The following SEC16B variants were observed in gnomAD, a reference collection of about 807,000 sequenced individuals.
SEC16B encodes the protein protein transport protein Sec16B.
Under a neutral mutation model 141.8 loss-of-function variants are expected in SEC16B, and 115 were observed. That is an observed-to-expected ratio of 0.81 (90% CI 0.70 to 0.95). SEC16B has a LOEUF of 0.95. SEC16B is among the 40% of genes least tolerant of loss of function. SEC16B has a pLI of 0.00. For synonymous variants in SEC16B, 493 were observed against 492.5 expected (o/e 1.00, Z -0.01); for missense variants, 1,291 against 1,312.3 (o/e 0.98, Z 0.25).
At chr1:177,936,273 C>A (rs1395620052) in intron 20 of SEC16B, 25 bp downstream of exon 20, 2 of 1,592,296 alleles carry the variant, frequency 1.3e-6, no homozygotes, top group East Asian at 2.3e-5. Flanking sequence ...TGGGCAGTGG[C>A]ATCTTTTATG....
chr1:177,965,958 C>T lies in SEC16B; in HGVS notation c.347G>A (p.Arg116Lys), dbSNP rs1265203712. 6.3e-7 allele frequency: 1 copy of T among 1,598,734 alleles called. No homozygotes were observed. The highest frequency in any genetic ancestry group is 1.1e-5 in the South Asian group (1 of 87,920). Residue 116 changes from arginine to lysine, a missense_variant, in exon 3 of 26, where the codon AGG becomes AAG. Arg to Lys is a conservative substitution (Grantham distance 26). Around this residue, in one of 3 missense-constraint regions of SEC16B, gnomAD observed 681 missense variants for 675.5 expected, o/e 1.01. Coordinates refer to ENST00000308284, the MANE Select transcript of SEC16B (RefSeq NM_033127.4). ...ATAACTTCCATAAGCATATTCCTCC[C>T]TCATTGTGGGAGACTGATAGCTCTG... ...SYQSYQSPTMREEYAYGSYYY... is the reference protein window; with the variant it reads ...SYQSYQSPTMKEEYAYGSYYY...
intron 9 of SEC16B, 47 bp downstream of exon 9, chr1:177,958,793 A>T (rs1371570222): frequency 1.3e-6 from 2 of 1,578,118 alleles, no homozygotes; most frequent in African/African-American, 1.4e-5. Flanking sequence ...TCCCATGAAG[A>T]CTTAAATTTC....
chr1:177,960,787 T>C lies in SEC16B; in HGVS notation c.936+4A>G. The C allele has an allele frequency of 6.3e-7, 1 of 1,598,608 alleles. No individual in the cohort carries two copies. The highest frequency in any genetic ancestry group is 8.5e-7 in the Non-Finnish European group (1 of 1,171,304). On this transcript the variant is annotated splice_donor_region_variant and intron_variant, in intron 7 of 25. Coordinates refer to ENST00000308284, the MANE Select transcript of SEC16B (RefSeq NM_033127.4). ...GCATTCCAGGGACACTGGGTCTTCT[T>C]TACCTCCATGCTGTGCAGTTCAACA...
In SEC16B at chr1:177,958,281, C is replaced by T. The variant is rs1377922895; in HGVS notation, c.1216G>A (p.Ala406Thr). 3 of 1,610,408 alleles carry T rather than the reference C, an allele frequency of 1.9e-6. No homozygotes were observed. Among genetic ancestry groups the T allele is most frequent in the Non-Finnish European group, 1.7e-6 (2 of 1,178,312 alleles). ...LEKYKRQPPV[A>T]NLINLTDEDW... is the part of the protein sequence containing the mutation. ...TCATCGGTCAGGTTGATGAGGTTGGCCACAGGGGGCTGCCGCTTGTACTTC... is the reference window on the plus strand; with the variant it reads ...TCATCGGTCAGGTTGATGAGGTTGGTCACAGGGGGCTGCCGCTTGTACTTC... The change falls in exon 10 of 26, where the codon GCC becomes ACC. Residue 406 changes from alanine (A) to threonine (T), a missense_variant. Ala to Thr is a moderately conservative substitution (Grantham distance 58, BLOSUM62 0). Coordinates refer to ENST00000308284, the MANE Select transcript of SEC16B (RefSeq NM_033127.4).
In SEC16B at chr1:177,929,696, T is replaced by G; in HGVS notation, c.*162A>C. ...TAAGAGACTGAATTGTGCTGTGTCTTGAGAGATCCTGTCCTCTTGCCTTCT... is the reference window on the plus strand; with the variant it reads ...TAAGAGACTGAATTGTGCTGTGTCTGGAGAGATCCTGTCCTCTTGCCTTCT... On this transcript the variant is annotated 3_prime_UTR_variant, in exon 26 of 26. Transcript: ENST00000308284. The G allele has an allele frequency of 1.5e-6, 1 of 663,510 alleles. No individual in the cohort carries two copies. The highest frequency in any genetic ancestry group is 2.7e-6 in the Non-Finnish European group (1 of 371,536). The allele number at this position is 663,510 out of a possible 1,614,324, so 41.1% of individuals were successfully genotyped here. A position where few individuals can be genotyped will look rare whatever the true frequency, so the allele number is the denominator to read the frequency against.
chr1:177,958,093 T>C (rs1386956371), intron 10 of SEC16B, 39 bp downstream of exon 10: 2 of 1,379,614 alleles, frequency 1.4e-6, no homozygotes, highest in East Asian at 2.5e-5. Context: ...GGATGGTGAT[T>C]GCTTTTTCAA....
At chr1:177,931,300 T>C (rs1025993201) in intron 24 of SEC16B, among the ~76,000 whole-genome samples, 1 of 152,212 alleles carries the variant, frequency 6.6e-6, no homozygotes, top group Non-Finnish European at 1.5e-5. Context: ...GAGTCCATTA[T>C]TCTAAGTGAA....
At chr1:177,968,326 T>G (rs540717665) in intron 1 of SEC16B, among the ~76,000 whole-genome samples, 1 of 152,326 alleles carries the variant, frequency 6.6e-6, no homozygotes, top group South Asian at 2.1e-4. Context: ...CAGCTAAAAA[T>G]GCTATCAAGG....
chr1:177,977,083 G>T (rs1054144993), intron 1 of SEC16B, among the ~76,000 whole-genome samples: 5 of 152,080 alleles, frequency 3.3e-5, no homozygotes, highest in African/African-American at 1.2e-4. Flanking sequence ...AAATGTTTTG[G>T]AGTGAAATTC....
intron 5 of SEC16B, among the ~76,000 whole-genome samples, chr1:177,963,358 A>G (rs1188035015): frequency 1.3e-5 from 2 of 151,572 alleles, no homozygotes; most frequent in Non-Finnish European, 2.9e-5. Context: ...TAATCCCAGC[A>G]CTTTGGGAGG....
In SEC16B at chr1:177,959,953, C is replaced by T. The variant is rs115700409; in HGVS notation, c.998+389G>A. On this transcript the variant is annotated intron_variant, in intron 8 of 25. Transcript: ENST00000308284. ...TGAACACTGCCGATCTTATTTACCT[C>T]TCCAGGAAAAAGCCACTGTTACAAG... 960 of 243,714 alleles carry T rather than the reference C, an allele frequency of 3.9e-3. 12 individuals carry two copies. The highest frequency in any genetic ancestry group is 0.021 in the African/African-American group (910 of 44,368). 15.1% of individuals were successfully genotyped at this position (243,714 alleles called of 1,614,324 possible). A position where few individuals can be genotyped will look rare whatever the true frequency, so the allele number is the denominator to read the frequency against.
intron 5 of SEC16B, among the ~76,000 whole-genome samples, chr1:177,963,461 G>C (rs1415052553): frequency 6.6e-6 from 1 of 151,944 alleles, no homozygotes; most frequent in Non-Finnish European, 1.5e-5. Flanking sequence ...AAATTAGCTG[G>C]GCATGGTGGC....
chr1:177,946,296 A>G (rs1336626468), intron 14 of SEC16B, 124 bp downstream of exon 14: 2 of 781,548 alleles, frequency 2.6e-6, no homozygotes, highest in Non-Finnish European at 4.5e-6. Flanking sequence ...AATCCCAAAT[A>G]AGGGAGCCGG....
intron 15 of SEC16B, among the ~76,000 whole-genome samples, chr1:177,943,213 C>A (rs1268734725): frequency 6.6e-6 from 1 of 152,078 alleles, no homozygotes; most frequent in African/African-American, 2.4e-5. Context: ...AAGAGCCGGT[C>A]GAGGAACTGC....
intron 7 of SEC16B, 141 bp downstream of exon 7, chr1:177,960,650 G>A (rs1255498934): frequency 2.2e-6 from 2 of 891,984 alleles, no homozygotes; most frequent in Non-Finnish European, 3.4e-6. Context: ...CCTAATCCAG[G>A]GGGTACATGG....
intron 17 of SEC16B, 72 bp from the exon 18 acceptor site, chr1:177,939,849 C>A: frequency 1.6e-6 from 2 of 1,246,882 alleles, no homozygotes; most frequent in South Asian, 1.4e-5. Context: ...CAAAGTGATT[C>A]AAAACTTAAG....
intron 10 of SEC16B, among the ~76,000 whole-genome samples, chr1:177,956,180 T>C (rs1450417342): frequency 6.6e-6 from 1 of 152,216 alleles, no homozygotes; most frequent in Non-Finnish European, 1.5e-5. Flanking sequence ...CAAATTTCTA[T>C]ATCCAAAATG....
At chr1:177,958,020 G>T (rs889090757) in intron 10 of SEC16B, 112 bp downstream of exon 10, 2 of 633,674 alleles carry the variant, frequency 3.2e-6, no homozygotes, top group Admixed American at 4.3e-5. Flanking sequence ...CGAACTTCTT[G>T]CATCCTCCCT....
intron 21 of SEC16B, 58 bp from the exon 22 acceptor site, chr1:177,933,370 G>A (rs1204445307): frequency 1.9e-6 from 3 of 1,557,522 alleles, no homozygotes; most frequent in Non-Finnish European, 2.6e-6. Context: ...CCAACTATGA[G>A]GTTAACCCGC....
Sources: gnomAD v4.1 joint callset for allele counts (sites outside exome capture counted in the v4.1 genomes callset) on GRCh38, gnomAD v4.1.1 for gene constraint, gnomAD v4.1.1 regional missense constraint, MANE v1.5 for transcripts, NCBI Gene and HGNC (gene_info 2026-07-23, HGNC 2026-07-21) for gene names.